Variants in KIF13B observed in about 807,000 individuals in gnomAD.
KIF13B encodes the protein kinesin-like protein KIF13B.
A neutral mutation model predicts 222.0 loss-of-function variants in KIF13B; 127 were observed. The observed-to-expected ratio is 0.57, with a 90% confidence interval of 0.50 to 0.66. KIF13B has a LOEUF of 0.66. Ranked by LOEUF, KIF13B falls within the 30% of genes least tolerant of loss-of-function variation. The pLI, the probability that KIF13B is intolerant of heterozygous loss-of-function variation, is 0.00. For synonymous variants in KIF13B, 976 were observed against 919.0 expected (o/e 1.06, Z -1.12); for missense variants, 2,173 against 2,379.0 (o/e 0.91, Z 1.80).
At chr8:29,177,910 T>TA (rs1358588912) in intron 8 of KIF13B, among the ~76,000 whole-genome samples, 2 of 152,154 alleles carry the variant, frequency 1.3e-5, no homozygotes, top group East Asian at 3.8e-4. Context: ...CCCTGTCTCT[T>TA]AAAAAACAAT....
chr8:29,179,213 CT>C (rs1300333968), intron 8 of KIF13B, among the ~76,000 whole-genome samples: 1 of 151,982 alleles, frequency 6.6e-6, no homozygotes, highest in African/African-American at 2.4e-5. Flanking sequence ...AGCTCCTGGG[CT>C]CAACCAATCC....
intron 3 of KIF13B, among the ~76,000 whole-genome samples, chr8:29,195,387 TTC>T (rs1175629707): frequency 6.6e-6 from 1 of 152,182 alleles, no homozygotes; most frequent in African/African-American, 2.4e-5. Context: ...CAGGGTGACT[TTC>T]TGTTTGTCAT....
chr8:29,257,376 G>A (rs942884979), intron 1 of KIF13B, among the ~76,000 whole-genome samples: 1 of 151,400 alleles, frequency 6.6e-6, no homozygotes, highest in African/African-American at 2.4e-5. Flanking sequence ...CCAAACACAA[G>A]GGGAACTTGA....
In KIF13B at chr8:29,121,967, A is replaced by G. The variant is rs184472837; in HGVS notation, c.3535+624T>C. ...AGAGAAGTCTTTCCCCAAGAGTTAA[A>G]GAAGAAGCCGGGCGCAGTGGCTCAC... On this transcript the variant is annotated intron_variant, in intron 29 of 39. Coordinates refer to ENST00000524189, the MANE Select transcript of KIF13B (RefSeq NM_015254.4). Among the ~76,000 whole-genome samples, 672 of 152,296 alleles carry G rather than the reference A, an allele frequency of 4.4e-3. 3 individuals carry two copies. The highest frequency in any genetic ancestry group is 0.015 in the African/African-American group (615 of 41,564).
intron 7 of KIF13B, among the ~76,000 whole-genome samples, chr8:29,180,823 T>G (rs903242657): frequency 6.6e-6 from 1 of 152,180 alleles, no homozygotes; most frequent in African/African-American, 2.4e-5. Context: ...TTTTTTTTTT[T>G]TAATGTTATA....
Position 29,182,921 on chromosome 8 carries a change from TGTTA to T in KIF13B, c.498-919_498-916del, listed in dbSNP as rs998781611. Among the ~76,000 whole-genome samples the T allele has an allele frequency of 6.6e-4, 100 of 152,146 alleles. 1 individual carries two copies. The highest frequency in any genetic ancestry group is 2.4e-3 in the African/African-American group (98 of 41,518). Reference sequence around the variant, plus strand: ...TGGTAAGTGTGTGAGGTGATGGATATGTTAATTAGCTTGATATAATCATTCCATA... The same window carrying T: ...TGGTAAGTGTGTGAGGTGATGGATATATTAGCTTGATATAATCATTCCATA... On this transcript the variant is annotated intron_variant, in intron 6 of 39. Transcript: ENST00000524189.
At chr8:29,235,574 G>A (rs1011532374) in intron 2 of KIF13B, among the ~76,000 whole-genome samples, 4 of 152,092 alleles carry the variant, frequency 2.6e-5, no homozygotes, top group African/African-American at 9.7e-5. Context: ...CAAAGACCCA[G>A]GAAGAAGCCA....
At chr8:29,169,638 A>T (rs1201541285) in intron 10 of KIF13B, among the ~76,000 whole-genome samples, 1 of 152,234 alleles carries the variant, frequency 6.6e-6, no homozygotes, top group African/African-American at 2.4e-5. Context: ...ACATGGGAAG[A>T]ACTATAACTA....
chr8:29,212,181 A>G (rs1814257717), intron 2 of KIF13B, among the ~76,000 whole-genome samples: 1 of 152,216 alleles, frequency 6.6e-6, no homozygotes, highest in South Asian at 2.1e-4. Context: ...ATTTTTATTT[A>G]TCCTGAATAG....
intron 10 of KIF13B, among the ~76,000 whole-genome samples, chr8:29,172,745 C>A (rs1812302210): frequency 6.6e-6 from 1 of 152,204 alleles, no homozygotes; most frequent in Non-Finnish European, 1.5e-5. Context: ...GAACACCACC[C>A]TTTCCCTTCT....
intron 8 of KIF13B, among the ~76,000 whole-genome samples, chr8:29,179,672 C>T (rs1286818857): frequency 1.3e-5 from 2 of 152,168 alleles, no homozygotes; most frequent in Non-Finnish European, 2.9e-5. Flanking sequence ...CTGCTGGCAG[C>T]GGGACTGGGG....
intron 35 of KIF13B, among the ~76,000 whole-genome samples, chr8:29,104,109 CCACCTCAGTG>C (rs1490811764): frequency 6.6e-6 from 1 of 152,124 alleles, no homozygotes; most frequent in Non-Finnish European, 1.5e-5. Flanking sequence ...CCTGGCGCCG[CCACCTCAGTG>C]CACCTCAGTG....
intron 13 of KIF13B, among the ~76,000 whole-genome samples, chr8:29,158,826 T>C (rs1389540322): frequency 6.6e-6 from 1 of 150,772 alleles, no homozygotes; most frequent in Non-Finnish European, 1.5e-5. Context: ...CCACACAAGA[T>C]GACCAGAAAC....
chr8:29,072,162 C>T lies in KIF13B; in HGVS notation c.4676G>A (p.Ser1559Asn), dbSNP rs1807323657. 2 of 1,422,746 alleles carry T rather than the reference C, an allele frequency of 1.4e-6. No homozygotes were observed. Among genetic ancestry groups the T allele is most frequent in the African/African-American group, 3.0e-5 (2 of 66,946 alleles). The allele number at this position is 1,422,746 out of a possible 1,614,324, so 88.1% of individuals were successfully genotyped here. A position where few individuals can be genotyped will look rare whatever the true frequency, so the allele number is the denominator to read the frequency against. ...CCCGCTAGAGGCTTCACTCAGGGGG[C>T]TGGGGGGCCCGTCCTGTGCCTCCGG... ...PAPEAQDGPP[S>N]PLSEASSGYF... The change falls in exon 39 of 40, where the codon AGC (serine) becomes AAC (asparagine). Residue 1559 changes from serine to asparagine, a missense_variant. This residue lies in a region of KIF13B where 693 missense variants were observed against 656.2 expected (regional missense o/e 1.06). Coordinates refer to ENST00000524189, the MANE Select transcript of KIF13B (RefSeq NM_015254.4).
intron 35 of KIF13B, among the ~76,000 whole-genome samples, chr8:29,107,749 A>G (rs774602745): frequency 2.8e-4 from 42 of 151,720 alleles, no homozygotes; most frequent in Non-Finnish European, 4.1e-4. Flanking sequence ...TTTAGTAGAG[A>G]CGGGGTTTCA....
At chr8:29,214,907 T>C (rs146021260) in intron 2 of KIF13B, among the ~76,000 whole-genome samples, 1 of 152,272 alleles carries the variant, frequency 6.6e-6, no homozygotes, top group East Asian at 1.9e-4. Context: ...CATTGTTGAC[T>C]AAAATATCAT....
At chr8:29,097,577 C>T (rs1366856910) in intron 36 of KIF13B, among the ~76,000 whole-genome samples, 1 of 152,002 alleles carries the variant, frequency 6.6e-6, no homozygotes, top group Non-Finnish European at 1.5e-5. Context: ...ATCTGGAATA[C>T]AGATTACCCC....
intron 2 of KIF13B, among the ~76,000 whole-genome samples, chr8:29,225,533 T>C (rs1036290946): frequency 1.3e-5 from 2 of 152,110 alleles, no homozygotes; most frequent in Non-Finnish European, 2.9e-5. Context: ...CTGCCAAGCA[T>C]CAGGAACAGG....
At chr8:29,241,379 TG>T (rs1586973985) in intron 2 of KIF13B, among the ~76,000 whole-genome samples, 1 of 152,210 alleles carries the variant, frequency 6.6e-6, no homozygotes. Context: ...AGGGGTGGAT[TG>T]TATTGTCTTA....
Sources: gnomAD v4.1 joint callset for allele counts (sites outside exome capture counted in the v4.1 genomes callset) on GRCh38, gnomAD v4.1.1 for gene constraint, gnomAD v4.1.1 regional missense constraint, MANE v1.5 for transcripts, NCBI Gene and HGNC (gene_info 2026-07-23, HGNC 2026-07-21) for gene names.